CTNNA3: variants seen among roughly 807,000 people sequenced by gnomAD.
CTNNA3 encodes catenin alpha 3.
In CTNNA3, 76 loss-of-function variants were observed where a neutral mutation model predicts 95.7. The observed-to-expected ratio is 0.79, with a 90% CI of 0.66 to 0.96. The LOEUF is 0.96. Ranked by LOEUF, CTNNA3 falls within the 40% of genes least tolerant of loss-of-function variation. The pLI is 0.00. For synonymous variants in CTNNA3, 431 were observed against 374.4 expected, an observed-to-expected ratio of 1.15 and a Z score of -1.74; for missense variants, 1,191 against 1,089.8, an observed-to-expected ratio of 1.09 and a Z score of -1.31.
At chr10:66,233,401 TAGA>T (rs945845890) in intron 13 of CTNNA3, among the ~76,000 whole-genome samples, 9 of 151,908 alleles carry the variant, frequency 5.9e-5, no homozygotes, top group Non-Finnish European at 8.8e-5. Context: ...AGCCACAGAG[TAGA>T]AGAAGATATT....
intron 11 of CTNNA3, among the ~76,000 whole-genome samples, chr10:66,406,720 G>A (rs1202016746): frequency 6.6e-6 from 1 of 152,040 alleles, no homozygotes; most frequent in Admixed American, 6.6e-5. Context: ...ATATTAAGTG[G>A]TATAGAGTTA....
chr10:66,212,973 G>T (rs1307302027), intron 13 of CTNNA3, among the ~76,000 whole-genome samples: 4 of 152,148 alleles, frequency 2.6e-5, no homozygotes, highest in Admixed American at 6.5e-5. Flanking sequence ...CCAAGATCAT[G>T]CCACTGCACT....
At chr10:66,527,692 G>A (rs1178879922) in intron 10 of CTNNA3, among the ~76,000 whole-genome samples, 1 of 152,032 alleles carries the variant, frequency 6.6e-6, no homozygotes, top group Non-Finnish European at 1.5e-5. Flanking sequence ...CATTTCGTAT[G>A]ATGCTATTAT....
At chr10:66,022,598 GAC>G (rs34537265) in intron 15 of CTNNA3, among the ~76,000 whole-genome samples, 34,609 of 149,042 alleles carry the variant, frequency 0.23, 4,189 homozygotes, top group Middle Eastern at 0.32. Context: ...ATATGCACAT[GAC>G]ACACACACAC....
intron 9 of CTNNA3, among the ~76,000 whole-genome samples, chr10:66,721,093 T>G (rs1245551758): frequency 2.6e-5 from 4 of 152,130 alleles, no homozygotes; most frequent in Non-Finnish European, 4.4e-5. Context: ...CAGACAAAAT[T>G]CAGAAGCACT....
intron 10 of CTNNA3, among the ~76,000 whole-genome samples, chr10:66,529,403 A>T: frequency 6.7e-6 from 1 of 148,390 alleles, no homozygotes; most frequent in East Asian, 2.0e-4. Context: ...AAGTGTTGGG[A>T]TTACAGGCGT....
At chr10:67,567,345 AG>A (rs1485102594) in intron 3 of CTNNA3, among the ~76,000 whole-genome samples, 2 of 152,108 alleles carry the variant, frequency 1.3e-5, no homozygotes. Context: ...AGGGACAAAA[AG>A]ACAAATATTG....
intron 17 of CTNNA3, among the ~76,000 whole-genome samples, chr10:65,938,333 C>A (rs1374711371): frequency 1.3e-5 from 2 of 152,058 alleles, no homozygotes; most frequent in Non-Finnish European, 2.9e-5. Flanking sequence ...CCTAATGATA[C>A]CAGGGAAATA....
At chr10:66,812,569 C>CCT (rs1841923384) in intron 7 of CTNNA3, among the ~76,000 whole-genome samples, 1 of 152,082 alleles carries the variant, frequency 6.6e-6, no homozygotes, top group African/African-American at 2.4e-5. Flanking sequence ...ACCTCAGTTT[C>CCT]CTCCTTGTAA....
At chr10:66,663,796 A>C (rs1431880075) in intron 9 of CTNNA3, among the ~76,000 whole-genome samples, 1 of 152,188 alleles carries the variant, frequency 6.6e-6, no homozygotes, top group Non-Finnish European at 1.5e-5. Flanking sequence ...TTAAGAAAAG[A>C]TTGTCCTTTA....
intron 15 of CTNNA3, 28 bp downstream of exon 15, chr10:66,069,280 T>A (rs1193644025): frequency 6.2e-7 from 1 of 1,601,016 alleles, no homozygotes; most frequent in Non-Finnish European, 8.6e-7. Context: ...CCATTATGAA[T>A]ATTACACATC....
chr10:66,919,714 TAAAGC>T lies in CTNNA3; in HGVS notation c.1048-144195_1048-144191del, dbSNP rs376270264. 3.4e-3 allele frequency among the ~76,000 whole-genome samples: 512 copies of T among 152,240 alleles called. 3 individuals are homozygous for T. The highest frequency in any genetic ancestry group is 0.012 in the African/African-American group (478 of 41,538). On this transcript the variant is annotated intron_variant, in intron 7 of 17. Coordinates refer to ENST00000433211, the MANE Select transcript of CTNNA3 (RefSeq NM_013266.4). ...CAGACAGGGTTTTTAATGGAGCCCTTAAAGCAAGCAGATGGAAATCAAGGATATTT... is the reference window on the plus strand; with the variant it reads ...CAGACAGGGTTTTTAATGGAGCCCTTAAGCAGATGGAAATCAAGGATATTT...
intron 7 of CTNNA3, among the ~76,000 whole-genome samples, chr10:67,073,621 A>C (rs2131855188): frequency 6.6e-6 from 1 of 152,282 alleles, no homozygotes; most frequent in East Asian, 1.9e-4. Context: ...ATAAAGAGGA[A>C]AAAAACGAGA....
intron 14 of CTNNA3, among the ~76,000 whole-genome samples, chr10:66,080,646 G>T (rs888164057): frequency 3.0e-4 from 45 of 152,160 alleles, no homozygotes; most frequent in African/African-American, 1.1e-3. Context: ...CACTGACTGA[G>T]TTAAACAGCC....
At chr10:67,728,102 T>G (rs547124545) in intron 1 of CTNNA3, among the ~76,000 whole-genome samples, 92 of 144,048 alleles carry the variant, frequency 6.4e-4, no homozygotes, top group African/African-American at 2.3e-3. Flanking sequence ...GTAATATACA[T>G]ACATATACAT....
At chr10:66,813,382 T>C (rs980478923) in intron 7 of CTNNA3, among the ~76,000 whole-genome samples, 4 of 152,202 alleles carry the variant, frequency 2.6e-5, no homozygotes, top group Admixed American at 6.5e-5. Context: ...AGGCGTCTAC[T>C]CAATTTGTGA....
intron 14 of CTNNA3, among the ~76,000 whole-genome samples, chr10:66,088,514 TG>T (rs2081075999): frequency 1.3e-5 from 2 of 151,190 alleles, no homozygotes; most frequent in Non-Finnish European, 3.0e-5. Flanking sequence ...TGTGTGTGTG[TG>T]TGTGTGTGTG....
At chr10:66,748,360 T>C (rs1227852856) in intron 9 of CTNNA3, among the ~76,000 whole-genome samples, 3 of 152,206 alleles carry the variant, frequency 2.0e-5, no homozygotes, top group African/African-American at 2.4e-5. Flanking sequence ...CCAATGTAGT[T>C]AAAAATTGTT....
At chr10:66,568,601 C>G (rs1842780976) in intron 10 of CTNNA3, among the ~76,000 whole-genome samples, 1 of 152,004 alleles carries the variant, frequency 6.6e-6, no homozygotes, top group Admixed American at 6.6e-5. Context: ...GAATTGGGTT[C>G]ACCACCTTCC....
Sources: gnomAD v4.1 joint callset for allele counts (sites outside exome capture counted in the v4.1 genomes callset) on GRCh38, gnomAD v4.1.1 for gene constraint, MANE v1.5 for transcripts, NCBI Gene and HGNC (gene_info 2026-07-23, HGNC 2026-07-21) for gene names.